The following ALKAL2 variants were observed in gnomAD, a reference collection of about 807,000 sequenced individuals.
ALKAL2 encodes AUG-alpha.
Under a neutral mutation model 18.5 loss-of-function variants are expected in ALKAL2, and 8 were observed. The ratio of observed to expected loss-of-function variants is 0.43; its 90% CI spans 0.25 to 0.78. The LOEUF is 0.78. Among genes scored for constraint, ALKAL2 ranks in the 30% least tolerant of loss-of-function variants. ALKAL2 has a pLI of 0.22. For synonymous variants in ALKAL2, 135 were observed against 95.8 expected, an observed-to-expected ratio of 1.41 and a Z score of -2.39; for missense variants, 241 against 211.2, an observed-to-expected ratio of 1.14 and a Z score of -0.88.
At chr2:282,750 C>A (rs1670394784) in intron 5 of ALKAL2, among the ~76,000 whole-genome samples, 1 of 152,198 alleles carries the variant, frequency 6.6e-6, no homozygotes, top group Non-Finnish European at 1.5e-5. Context: ...CAATGTTGGT[C>A]ATCTACTCAC....
intron 4 of ALKAL2, among the ~76,000 whole-genome samples, chr2:285,210 T>C (rs922953134): frequency 1.3e-5 from 2 of 152,256 alleles, no homozygotes; most frequent in African/African-American, 2.4e-5. Context: ...CAGAAGCAGC[T>C]CTATAAATGA....
At chr2:285,876 G>A (rs992655261) in intron 4 of ALKAL2, 24 of 450,818 alleles carry the variant, frequency 5.3e-5, no homozygotes, top group African/African-American at 4.1e-4. Context: ...GAGGAGAATC[G>A]GAGTTCAGCC....
intron 2 of ALKAL2, chr2:286,580 C>T (rs3828330): frequency 0.37 from 171,124 of 461,452 alleles, 33,774 homozygotes; most frequent in East Asian, 0.63. Flanking sequence ...ATTATGTCGG[C>T]TGTCTACCCC....
intron 5 of ALKAL2, among the ~76,000 whole-genome samples, chr2:281,313 C>G (rs1670337018): frequency 6.6e-6 from 1 of 152,220 alleles, no homozygotes; most frequent in Non-Finnish European, 1.5e-5. Flanking sequence ...AACCCAGTTA[C>G]AGCTGTGACA....
chr2:285,148 G>A (rs1025418675), intron 4 of ALKAL2, among the ~76,000 whole-genome samples: 5 of 152,224 alleles, frequency 3.3e-5, no homozygotes, highest in Admixed American at 6.5e-5. Flanking sequence ...TCCAAAACGC[G>A]CTGGTGACGC....
rs907284534 is a variant in ALKAL2 at position 288,006 on chromosome 2, C to G, written c.-58+7G>C. ...AGGAGCCGCTGGCGCTGGACCCGGC[C>G]CCTCACCTCCGCGGACCCCGAGGAA... On this transcript the variant is annotated splice_region_variant and intron_variant, in intron 1 of 5. Coordinates refer to ENST00000403610, the MANE Select transcript of ALKAL2 (RefSeq NM_001002919.3). 3 of 1,229,584 alleles carry G rather than the reference C, an allele frequency of 2.4e-6. No homozygotes were observed. Among genetic ancestry groups the G allele is most frequent in the Non-Finnish European group, 3.0e-6 (3 of 988,106 alleles). 76.2% of individuals were successfully genotyped at this position (1,229,584 alleles called of 1,614,324 possible).
At position 280,164 on chromosome 2, in the gene ALKAL2, T is replaced by G. The variant is rs1670291084; in HGVS notation, c.454-12A>C. 6.2e-7 allele frequency: 1 copy of G among 1,613,994 alleles called. No homozygotes were observed. The highest frequency in any genetic ancestry group is 2.2e-5 in the East Asian group (1 of 44,878). On this transcript the variant is annotated splice_polypyrimidine_tract_variant and intron_variant, in intron 5 of 5. Transcript: ENST00000403610. Reference sequence around the variant, plus strand: ...CGGTCTGCTCACTGCTGAAAACAAATACATTGCGTGTGATATGACTATCCA... The same window carrying G: ...CGGTCTGCTCACTGCTGAAAACAAAGACATTGCGTGTGATATGACTATCCA...
intron 2 of ALKAL2, 96 bp downstream of exon 2, chr2:287,487 G>T: frequency 2.5e-5 from 20 of 787,716 alleles, no homozygotes; most frequent in Non-Finnish European, 3.4e-5. Flanking sequence ...CTGCTGTTCA[G>T]TGGTCAAAAT....
At position 281,315 on chromosome 2, in the gene ALKAL2, G is replaced by T. The variant is rs556190331; in HGVS notation, c.454-1163C>A. 2.8e-4 allele frequency among the ~76,000 whole-genome samples: 43 copies of T among 152,316 alleles called. No homozygotes were observed. In the Middle Eastern group the frequency reaches 0.014, roughly 48 times the overall value. On this transcript the variant is annotated intron_variant, in intron 5 of 5. Coordinates refer to ENST00000403610, the MANE Select transcript of ALKAL2 (RefSeq NM_001002919.3). The stretch of plus-strand genomic sequence containing the variant: ...CTTGGCCAAAATGAACCCAGTTACA[G>T]CTGTGACACCTGTGGCTGTCAAGCA...
At position 283,191 on chromosome 2, in the gene ALKAL2, A is replaced by G. The variant is rs1196603998; in HGVS notation, c.389-16T>C. ...CTTTTATAGTCTACGGTGAAAATATATCAGACTCTTGTCAGTTACTTAAAA... is the reference window on the plus strand; with the variant it reads ...CTTTTATAGTCTACGGTGAAAATATGTCAGACTCTTGTCAGTTACTTAAAA... On this transcript the variant is annotated splice_polypyrimidine_tract_variant and intron_variant, in intron 4 of 5. Transcript: ENST00000403610. 1.2e-5 allele frequency: 20 copies of G among 1,610,076 alleles called. No homozygotes were observed. Among genetic ancestry groups the G allele is most frequent in the Non-Finnish European group, 1.7e-5 (20 of 1,178,660 alleles).
rs1208314573 is a variant in ALKAL2 at position 279,571 on chromosome 2, CACTT to C, written c.*572_*575del. 6.5e-6 allele frequency: 1 copy of C among 152,958 alleles called. No homozygotes were observed. The highest frequency in any genetic ancestry group is 1.5e-5 in the Non-Finnish European group (1 of 68,284). The allele number at this position is 152,958 out of a possible 1,614,324, so 9.5% of individuals were successfully genotyped here. The stretch of plus-strand genomic sequence containing the variant: ...TTTGAAGACTAGTCATTATAACAAA[CACTT>C]CATTTATTACTTGTGTTTATTTACA... On this transcript the variant is annotated 3_prime_UTR_variant, in exon 6 of 6. Coordinates refer to ENST00000403610, the MANE Select transcript of ALKAL2 (RefSeq NM_001002919.3).
At chr2:281,715 G>T (rs1670360820) in intron 5 of ALKAL2, among the ~76,000 whole-genome samples, 1 of 151,786 alleles carries the variant, frequency 6.6e-6, no homozygotes, top group African/African-American at 2.4e-5. Flanking sequence ...CTCCTCACTT[G>T]TAAGTAAGTG....
Position 286,272 on chromosome 2 carries a change from A to G in ALKAL2, c.307+18T>C. 1 of 1,611,800 alleles carries G rather than the reference A, an allele frequency of 6.2e-7. No individual in the cohort carries two copies. Among genetic ancestry groups the G allele is most frequent in the Non-Finnish European group, 8.5e-7 (1 of 1,178,612 alleles). On this transcript the variant is annotated intron_variant, in intron 3 of 5. Transcript: ENST00000403610. ...AAAAGGAGCTCTGGGAGACGTGAGG[A>G]ACGAGGAGAAAACTTACCTGTAAGG...
rs1180978505 is a variant in ALKAL2 at position 287,809 on chromosome 2, G to A, written c.27C>T (p.Leu9=). Residue 9 remains leucine (L), a synonymous_variant, in exon 2 of 6, where the codon CTC becomes CTT. Transcript: ENST00000403610. The part of the protein sequence containing the change: MRGPGHPL[L]LGLLLVLGAA... ...CCCCCAGCACCAGCAGCAGCCCCAG[G>A]AGGAGGGGGTGCCCGGGTCCGCGCA... The A allele has an allele frequency of 4.5e-6, 6 of 1,347,320 alleles. No homozygotes were observed. Among genetic ancestry groups the A allele is most frequent in the East Asian group, 6.2e-5 (2 of 32,102 alleles). The allele number at this position is 1,347,320 out of a possible 1,614,324, so 83.5% of individuals were successfully genotyped here.
chr2:287,667 T>C lies in ALKAL2; in HGVS notation c.169A>G (p.Lys57Glu). ...ELRKHHSAEH[K>E]GLQLLGRDCA... ...TCCCGCCCGAGGAGCTGCAGGCCCT[T>C]GTGCTCCGCCGAGTGGTGCTTCCGC... The change falls in exon 2 of 6, where the codon AAG (lysine) becomes GAG (glutamate). Residue 57 changes from lysine to glutamate, a missense_variant. Transcript: ENST00000403610. 1 of 1,484,402 alleles carries C rather than the reference T, an allele frequency of 6.7e-7. No homozygotes were observed. Among genetic ancestry groups the C allele is most frequent in the Non-Finnish European group, 8.9e-7 (1 of 1,123,862 alleles). 92.0% of individuals were successfully genotyped at this position (1,484,402 alleles called of 1,614,324 possible).
intron 5 of ALKAL2, among the ~76,000 whole-genome samples, chr2:282,131 G>A (rs113556455): frequency 2.6e-5 from 4 of 152,196 alleles, no homozygotes; most frequent in African/African-American, 9.6e-5. Flanking sequence ...AGTGGGGGAT[G>A]CATGGGCAGG....
intron 4 of ALKAL2, chr2:285,815 A>T (rs1670488904): frequency 3.8e-6 from 1 of 262,474 alleles, no homozygotes; most frequent in African/African-American, 2.2e-5. Flanking sequence ...TTAACATCTG[A>T]CTGCCATAGT....
chr2:283,635 C>T (rs753737528), intron 4 of ALKAL2: 109 of 979,840 alleles, frequency 1.1e-4, no homozygotes, highest in Non-Finnish European at 1.3e-4. Flanking sequence ...AGAGCAGAGG[C>T]CTGGAGTGGA....
At chr2:287,113 T>G (rs1465736955) in intron 2 of ALKAL2, 1 of 153,374 alleles carries the variant, frequency 6.5e-6, no homozygotes, top group African/African-American at 2.4e-5. Context: ...GCTGACCCCC[T>G]AGTGAGTCTT....
Sources: gnomAD v4.1 joint callset for allele counts (sites outside exome capture counted in the v4.1 genomes callset) on GRCh38, gnomAD v4.1.1 for gene constraint, MANE v1.5 for transcripts, NCBI Gene and HGNC (gene_info 2026-07-23, HGNC 2026-07-21) for gene names.